INPP5J: variants seen among roughly 807,000 people sequenced by gnomAD.
INPP5J encodes phosphatidylinositol 4,5-bisphosphate 5-phosphatase A.
A neutral mutation model predicts 86.6 loss-of-function variants in INPP5J; 75 were observed. The ratio of observed to expected loss-of-function variants is 0.87; its 90% CI spans 0.72 to 1.05. The LOEUF is 1.05. INPP5J is among the 50% of genes least tolerant of loss of function. The pLI is 0.00. For missense variants in INPP5J, 1,229 were observed against 1,341.2 expected, an observed-to-expected ratio of 0.92 and a Z score of 1.31; for synonymous variants, 540 against 550.0, an observed-to-expected ratio of 0.98 and a Z score of 0.25.
chr22:31,127,255 C>A, intron 5 of INPP5J, 102 bp from the exon 6 acceptor site: 1 of 1,124,930 alleles, frequency 8.9e-7, no homozygotes, highest in Non-Finnish European at 1.3e-6. Flanking sequence ...TTCTGTAGGA[C>A]CCACCCACCT....
At position 31,134,184 on chromosome 22, in the gene INPP5J, G is replaced by A. The variant is rs1040622176; in HGVS notation, c.2786G>A (p.Ser929Asn). Residue 929 changes from serine to asparagine, a missense_variant, in exon 13 of 13, where the codon AGT becomes AAT. Transcript: ENST00000331075. The part of the protein sequence containing the change: ...RLSRVAPDRS[S>N]NGSSRGSSEE... Reference sequence around the variant, plus strand: ...TCCCGAGTGGCTCCTGACAGGAGCAGTAATGGCAGCAGCCGGGGCAGTAGT... The same window carrying A: ...TCCCGAGTGGCTCCTGACAGGAGCAATAATGGCAGCAGCCGGGGCAGTAGT... 9.7e-6 allele frequency: 15 copies of A among 1,549,900 alleles called. No individual in the cohort carries two copies. Among genetic ancestry groups the A allele is most frequent in the Admixed American group, 2.0e-5 (1 of 50,960 alleles).
Position 31,134,156 on chromosome 22 carries a change from C to T in INPP5J, c.2758C>T (p.Leu920=). 1 of 1,549,400 alleles carries T rather than the reference C, an allele frequency of 6.5e-7. No homozygotes were observed. The highest frequency in any genetic ancestry group is 8.7e-7 in the Non-Finnish European group (1 of 1,146,086). Residue 920 remains leucine, a synonymous_variant, in exon 13 of 13, where the codon CTG becomes TTG. Coordinates refer to ENST00000331075, the MANE Select transcript of INPP5J (RefSeq NM_001284285.2). ...SRSPSPQSRR[L]SRVAPDRSSN... Reference sequence around the variant, plus strand: ...TAGCCCCTCACCCCAGAGCCGCCGCCTGTCCCGAGTGGCTCCTGACAGGAG... The same window carrying T: ...TAGCCCCTCACCCCAGAGCCGCCGCTTGTCCCGAGTGGCTCCTGACAGGAG...
Position 31,133,449 on chromosome 22 carries a change from C to T in INPP5J, c.2375C>T (p.Ala792Val). The change falls in exon 11 of 13, where the codon GCC becomes GTC. Residue 792 changes from alanine (A) to valine (V), a missense_variant. Ala to Val is a moderately conservative substitution (Grantham distance 64). Transcript: ENST00000331075. ...AAGGACTATGTGGCTTATGTCTGGG[C>T]CAAACATGAAGATGTGGATGGGAAT... Reference protein sequence around the residue: ...HCKDYVAYVWAKHEDVDGNTY... With the variant: ...HCKDYVAYVWVKHEDVDGNTY... 6.2e-7 allele frequency: 1 copy of T among 1,613,806 alleles called. No homozygotes were observed. Among genetic ancestry groups the T allele is most frequent in the East Asian group, 2.2e-5 (1 of 44,878 alleles).
intron 9 of INPP5J, among the ~76,000 whole-genome samples, chr22:31,130,540 A>C (rs1921975839): frequency 6.6e-6 from 1 of 152,072 alleles, no homozygotes; most frequent in Non-Finnish European, 1.5e-5. Context: ...TCACATATGC[A>C]TCATCATTTT....
In INPP5J at chr22:31,126,356, T is replaced by G; in HGVS notation, c.1272-20T>G. ...AGGGAGTGGTGCCAGGACTACACCC[T>G]CATATGCCCCTGCCCTCAGGATCAC... On this transcript the variant is annotated intron_variant, in intron 2 of 12. Coordinates refer to ENST00000331075, the MANE Select transcript of INPP5J (RefSeq NM_001284285.2). The G allele has an allele frequency of 6.3e-7, 1 of 1,584,632 alleles. No homozygotes were observed. Among genetic ancestry groups the G allele is most frequent in the Admixed American group, 1.7e-5 (1 of 59,792 alleles).
At chr22:31,128,927 C>CTTTTTTTTTTTT in intron 9 of INPP5J, among the ~76,000 whole-genome samples, 1 of 80,000 alleles carries the variant, frequency 1.3e-5, no homozygotes, top group Non-Finnish European at 2.4e-5. Flanking sequence ...CATGCCTTTT[C>CTTTTTTTTTTTT]TTTTTTTTTT....
In INPP5J at chr22:31,134,260, G is replaced by T; in HGVS notation, c.2862G>T (p.Val954=). ...LPGPWAFPPA[V]PRSLGLLPAL... is the part of the protein sequence containing the mutation. Reference sequence around the variant, plus strand: ...GCCCCTGGGCCTTCCCACCAGCTGTGCCTCGAAGCCTGGGCCTGTTGCCCG... The same window carrying T: ...GCCCCTGGGCCTTCCCACCAGCTGTTCCTCGAAGCCTGGGCCTGTTGCCCG... The change falls in exon 13 of 13, where the codon GTG becomes GTT. Residue 954 remains valine (V), a synonymous_variant. Transcript: ENST00000331075. 1 of 1,551,518 alleles carries T rather than the reference G, an allele frequency of 6.4e-7. No homozygotes were observed.
Position 31,124,984 on chromosome 22 carries a change from C to T in INPP5J, c.245C>T (p.Pro82Leu). Residue 82 changes from proline (P) to leucine (L), a missense_variant, in exon 2 of 13, where the codon CCC (proline) becomes CTC (leucine). Physicochemically the swap from Pro to Leu is moderately conservative, Grantham distance 98 (BLOSUM62 -3). Transcript: ENST00000331075. The part of the protein sequence containing the change: ...SEGPRLALAS[P>L]RPILAPLCTP... ...GGACCGAGGCTGGCTCTGGCATCTC[C>T]CCGACCAATCCTGGCTCCACTGTGT... The T allele has an allele frequency of 6.9e-6, 11 of 1,590,090 alleles. 1 individual carries two copies. The highest frequency in any genetic ancestry group is 7.7e-6 in the Non-Finnish European group (9 of 1,168,308).
Position 31,129,542 on chromosome 22 carries a change from CT to C in INPP5J, c.2193+909del, listed in dbSNP as rs56039276. Among the ~76,000 whole-genome samples, 402 of 96,302 alleles carry C rather than the reference CT, an allele frequency of 4.2e-3. 3 individuals are homozygous for C. The highest frequency in any genetic ancestry group is 0.022 in the Middle Eastern group (3 of 138). 63.2% of individuals were successfully genotyped at this position (96,302 alleles called of 152,430 possible). A position where few individuals can be genotyped will look rare whatever the true frequency, so the allele number is the denominator to read the frequency against. ...GGCATGAGCCACTGTGCCCGGCGCC[CT>C]TTTTTTTTTTTTTTTTTTTTAATGC... On this transcript the variant is annotated intron_variant, in intron 9 of 12. Transcript: ENST00000331075.
rs1921700704 is a variant in INPP5J, at chr22:31,128,246, G to T, written c.1932G>T (p.Leu644=). The change falls in exon 8 of 13, where the codon CTG becomes CTT. Residue 644 remains leucine (L), a synonymous_variant. Transcript: ENST00000331075. ...LNMAKNTWPI[L]KGFQEGPLNF... ...TGGCCAAGAACACCTGGCCCATTCT[G>T]AAGGGCTTTCAGGAGGGGCCCCTCA... is the stretch of plus-strand genomic sequence containing the variant. 6.3e-7 allele frequency: 1 copy of T among 1,599,802 alleles called. No individual in the cohort carries two copies. The highest frequency in any genetic ancestry group is 8.5e-7 in the Non-Finnish European group (1 of 1,173,282).
chr22:31,124,872 A>G lies in INPP5J; in HGVS notation c.133A>G (p.Lys45Glu), dbSNP rs1194126138. The change falls in exon 2 of 13, where the codon AAG becomes GAG. Residue 45 changes from lysine to glutamate, a missense_variant. By Grantham distance (56) the Lys-to-Glu change is moderately conservative (BLOSUM62 1). Transcript: ENST00000331075. ...KVDSSFQLPA[K>E]KNAALGPSEP... ...GGACTCAAGTTTTCAGCTCCCAGCA[A>G]AGAAGAACGCAGCCCTAGGACCCTC... The G allele has an allele frequency of 1.9e-6, 3 of 1,612,002 alleles. No individual in the cohort carries two copies. The South Asian group carries it at 3.3e-5, about 18-fold the overall frequency.
Position 31,134,288 on chromosome 22 carries a change from T to A in INPP5J, c.2890T>A (p.Leu964Met). 1 of 1,554,966 alleles carries A rather than the reference T, an allele frequency of 6.4e-7. No homozygotes were observed. The highest frequency in any genetic ancestry group is 1.4e-5 in the African/African-American group (1 of 73,430). The change falls in exon 13 of 13, where the codon TTG becomes ATG. Residue 964 changes from leucine to methionine, a missense_variant. Physicochemically the swap from Leu to Met is conservative, Grantham distance 15 (BLOSUM62 2). Coordinates refer to ENST00000331075, the MANE Select transcript of INPP5J (RefSeq NM_001284285.2). ...TCGAAGCCTGGGCCTGTTGCCCGCCTTGCGCCTAGAGACTGTAGACCCTGG... is the reference window on the plus strand; with the variant it reads ...TCGAAGCCTGGGCCTGTTGCCCGCCATGCGCCTAGAGACTGTAGACCCTGG... ...VPRSLGLLPA[L>M]RLETVDPGGG...
At chr22:31,128,110 C>T (rs781423797) in intron 7 of INPP5J, 48 bp downstream of exon 7, 1 of 1,488,708 alleles carries the variant, frequency 6.7e-7, no homozygotes, top group African/African-American at 1.4e-5. Context: ...CCAGGACACG[C>T]CTGTACCTTA....
chr22:31,126,068 C>T, intron 2 of INPP5J, 58 bp downstream of exon 2: 1 of 1,432,158 alleles, frequency 7.0e-7, no homozygotes, highest in African/African-American at 1.4e-5. Context: ...GTTAGCCATT[C>T]TTCCAGGGTG....
chr22:31,122,918 C>T (rs1020539487), upstream of INPP5J: 9 of 843,298 alleles, frequency 1.1e-5, no homozygotes, highest in Non-Finnish European at 1.5e-5. Context: ...CCTTTAAATT[C>T]TCAGCAGGTT....
Position 31,133,961 on chromosome 22 carries a change from G to A in INPP5J, c.2563G>A (p.Gly855Ser). Residue 855 changes from glycine to serine, a missense_variant, in exon 13 of 13, where the codon GGC becomes AGC. Gly to Ser is a moderately conservative substitution (Grantham distance 56, BLOSUM62 0). Transcript: ENST00000331075. The part of the protein sequence containing the change: ...ELASSSTDSS[G>S]TSSEGEDDST... ...GGCCAGCAGCAGCACAGACAGCTCA[G>A]GCACCAGCTCAGAGGGAGAGGATGA... 6.2e-7 allele frequency: 1 copy of A among 1,613,386 alleles called. No individual in the cohort carries two copies. Among genetic ancestry groups the A allele is most frequent in the Non-Finnish European group, 8.5e-7 (1 of 1,179,880 alleles).
In INPP5J at chr22:31,125,807, G is replaced by T. The variant is rs765710038; in HGVS notation, c.1068G>T (p.Pro356=). 2 of 1,591,658 alleles carry T rather than the reference G, an allele frequency of 1.3e-6. No individual in the cohort carries two copies. ...CCAGCCGTTCCCCAAGCCACTCCCC[G>T]AATCGCTCTCCCTGTGTTCCCCCAG... The part of the protein sequence containing the change: ...RSPSRSPSHS[P]NRSPCVPPAP... Residue 356 remains proline, a synonymous_variant, in exon 2 of 13, where the codon CCG becomes CCT. Transcript: ENST00000331075.
intron 7 of INPP5J, 59 bp downstream of exon 7, chr22:31,128,121 G>C (rs1921687750): frequency 1.4e-6 from 2 of 1,472,990 alleles, no homozygotes; most frequent in East Asian, 4.6e-5. Flanking sequence ...CTGTACCTTA[G>C]ACTATGGTCC....
Position 31,125,014 on chromosome 22 carries a change from C to A in INPP5J, c.275C>A (p.Pro92His), listed in dbSNP as rs765837272. ...CCAATCCTGGCTCCACTGTGTACCC[C>A]TGAAGGGCAGAAAACAGCTACTGCC... is the stretch of plus-strand genomic sequence containing the variant. ...PRPILAPLCTPEGQKTATAHR... is the reference protein window; with the variant it reads ...PRPILAPLCTHEGQKTATAHR... Residue 92 changes from proline (P) to histidine (H), a missense_variant, in exon 2 of 13, where the codon CCT (proline) becomes CAT (histidine). Coordinates refer to ENST00000331075, the MANE Select transcript of INPP5J (RefSeq NM_001284285.2). The A allele has an allele frequency of 7.7e-6, 12 of 1,563,678 alleles. No individual in the cohort carries two copies. The highest frequency in any genetic ancestry group is 1.4e-5 in the African/African-American group (1 of 73,454).
Sources: allele counts gnomAD v4.1 joint callset (sites outside exome capture counted in the v4.1 genomes callset), GRCh38; gene constraint gnomAD v4.1.1; transcripts MANE v1.5; gene names NCBI Gene and HGNC (gene_info 2026-07-23, HGNC 2026-07-21).